GSN: variants seen among roughly 807,000 people sequenced by gnomAD.
GSN encodes the protein gelsolin.
GSN carries 56 observed loss-of-function variants against 85.7 expected under a neutral mutation model. The ratio of observed to expected loss-of-function variants is 0.65; its 90% CI spans 0.53 to 0.82. GSN has a LOEUF of 0.82. Ranked by LOEUF, GSN falls within the 40% of genes least tolerant of loss-of-function variation. The pLI, the probability that GSN is intolerant of heterozygous loss-of-function variation, is 0.00. For missense variants in GSN, 857 were observed against 979.8 expected, an observed-to-expected ratio of 0.87 and a Z score of 1.67; for synonymous variants, 373 against 399.1, an observed-to-expected ratio of 0.93 and a Z score of 0.78.
chr9:121,293,655 G>C (rs1421425927), intron 2 of GSN, among the ~76,000 whole-genome samples: 1 of 145,552 alleles, frequency 6.9e-6, no homozygotes, highest in African/African-American at 2.6e-5. Flanking sequence ...CCGAGATCAC[G>C]CCGCTGCACT....
chr9:121,238,270 G>A (rs1219471850), intron 5 of GSN: 1 of 152,554 alleles, frequency 6.6e-6, no homozygotes, highest in Non-Finnish European at 1.5e-5. Context: ...GTTGGACTGG[G>A]AGGGGAGACC....
At chr9:121,269,918 G>T (rs2055679280) in intron 1 of GSN, among the ~76,000 whole-genome samples, 1 of 152,168 alleles carries the variant, frequency 6.6e-6, no homozygotes, top group South Asian at 2.1e-4. Flanking sequence ...TCTGTGCCTT[G>T]CCCTGCGAGG....
rs372681751 is a variant in GSN, at chr9:121,318,726, G to A, written c.1037G>A (p.Arg346Gln). 4.0e-5 allele frequency: 65 copies of A among 1,613,880 alleles called. No homozygotes were observed. Among genetic ancestry groups the A allele is most frequent in the Non-Finnish European group, 4.7e-5 (56 of 1,179,902 alleles). The change falls in exon 10 of 18, where the codon CGG becomes CAG. Residue 346 changes from arginine to glutamine, a missense_variant. By Grantham distance (43) the Arg-to-Gln change is conservative. Transcript: ENST00000432226. The surrounding 1 kb of genome is among the most constrained non-coding windows in gnomAD (Gnocchi z 4.3). ...PLFKQFFKNW[R>Q]DPDQTDGLGL... ...TTCAAGCAGTTCTTCAAGAACTGGC[G>A]GGACCCAGACCAGACAGATGGCCTG...
intron 5 of GSN, among the ~76,000 whole-genome samples, chr9:121,246,201 A>T (rs531701385): frequency 1.3e-5 from 2 of 152,342 alleles, no homozygotes; most frequent in East Asian, 3.9e-4. Context: ...TGGTGGGCAC[A>T]TTAGGATCAT....
chr9:121,274,500 T>C (rs1176161757), intron 1 of GSN, among the ~76,000 whole-genome samples: 1 of 151,264 alleles, frequency 6.6e-6, no homozygotes, highest in African/African-American at 2.5e-5. Flanking sequence ...TTTTATAGCT[T>C]TTTCTTGTTA....
upstream of GSN, among the ~76,000 whole-genome samples, chr9:121,263,628 C>T (rs373492022): frequency 1.8e-3 from 267 of 152,164 alleles, no homozygotes; most frequent in Middle Eastern, 0.01. Context: ...AGATGGCTCA[C>T]GCCTGTAATC....
rs190118279 is a variant in GSN at position 121,311,025 on chromosome 9, G to A, written c.513+180G>A. The A allele has an allele frequency of 1.2e-4, 78 of 642,172 alleles. 1 individual carries two copies. The East Asian group carries it at 1.5e-3, about 12-fold the overall frequency. The allele number at this position is 642,172 out of a possible 1,614,324, so 39.8% of individuals were successfully genotyped here. On this transcript the variant is annotated intron_variant, in intron 5 of 17. Coordinates refer to ENST00000432226, the MANE Select transcript of GSN (RefSeq NM_198252.3). The stretch of plus-strand genomic sequence containing the variant: ...TCCCACAAATGTAGACTCACACCAC[G>A]GGTATAGTGCGTACTTGGACTTTGA...
intron 6 of GSN, among the ~76,000 whole-genome samples, chr9:121,252,794 CG>C (rs1296291336): frequency 6.6e-6 from 1 of 152,114 alleles, no homozygotes; most frequent in East Asian, 1.9e-4. Flanking sequence ...ACTAGGATTT[CG>C]GGGGGGCAAT....
intron 6 of GSN, among the ~76,000 whole-genome samples, chr9:121,250,870 G>A (rs962038054): frequency 6.3e-5 from 7 of 111,634 alleles, no homozygotes; most frequent in African/African-American, 2.4e-4. Flanking sequence ...ATGCCTGCTT[G>A]GGGTGTGTGT....
At chr9:121,252,080 A>G (rs1254008400) in intron 6 of GSN, among the ~76,000 whole-genome samples, 4 of 152,222 alleles carry the variant, frequency 2.6e-5, no homozygotes, top group Non-Finnish European at 5.9e-5. Context: ...CTGTAAAAAA[A>G]AAATGCCAGG....
At chr9:121,271,661 T>A (rs1443004145) in intron 1 of GSN, among the ~76,000 whole-genome samples, 1 of 152,190 alleles carries the variant, frequency 6.6e-6, no homozygotes, top group Admixed American at 6.5e-5. Context: ...TATGCTTTTA[T>A]GAGGGGTGGG....
chr9:121,323,628 C>A (rs1320843687), intron 11 of GSN, among the ~76,000 whole-genome samples: 1 of 152,186 alleles, frequency 6.6e-6, no homozygotes, highest in Non-Finnish European at 1.5e-5. Context: ...CCTTGGCCTC[C>A]CAAAGTGCTG....
rs368210196 is a variant in GSN, at chr9:121,302,103, C to T, written c.132C>T (p.Tyr44=). The change falls in exon 3 of 18, where the codon TAC becomes TAT. Residue 44 remains tyrosine, a synonymous_variant. Coordinates refer to ENST00000432226, the MANE Select transcript of GSN (RefSeq NM_198252.3). ...LYGDFFTGDA[Y]VILKTVQLRN... is the part of the protein sequence containing the mutation. ...GAGACTTCTTCACGGGCGACGCCTACGTCATCCTGAAGACAGTGCAGCTGA... is the reference window on the plus strand; with the variant it reads ...GAGACTTCTTCACGGGCGACGCCTATGTCATCCTGAAGACAGTGCAGCTGA... The T allele has an allele frequency of 9.3e-6, 15 of 1,614,040 alleles. No individual in the cohort carries two copies. The highest frequency in any genetic ancestry group is 1.6e-4 in the Middle Eastern group (1 of 6,084).
chr9:121,312,229 G>C (rs1345349439), intron 5 of GSN, 110 bp from the exon 6 acceptor site: 2 of 1,178,890 alleles, frequency 1.7e-6, no homozygotes, highest in African/African-American at 3.0e-5. Flanking sequence ...ACCTGGGCAA[G>C]TGCAGAACAG....
intron 1 of GSN, among the ~76,000 whole-genome samples, chr9:121,274,509 T>TA (rs149710086): frequency 0.04 from 5,997 of 150,848 alleles, 424 homozygotes; most frequent in African/African-American, 0.14. Context: ...TTTTTCTTGT[T>TA]AAAAAAAAAA....
Position 121,318,944 on chromosome 9 carries a change from CTT to C in GSN, c.1191+65_1191+66del. ...CCCTCACTTTCCCCATGCACTGCCTCTTGCTTCCCCAAGGAGGTTTCTCTCTG... is the reference window on the plus strand; with the variant it reads ...CCCTCACTTTCCCCATGCACTGCCTCGCTTCCCCAAGGAGGTTTCTCTCTG... On this transcript the variant is annotated intron_variant, in intron 10 of 17. Transcript: ENST00000432226. This position sits in a 1 kb window ranked among gnomAD's most constrained non-coding sequence, Gnocchi z 4.3. 1 of 1,269,030 alleles carries C rather than the reference CTT, an allele frequency of 7.9e-7. No homozygotes were observed. Among genetic ancestry groups the C allele is most frequent in the Non-Finnish European group, 1.1e-6 (1 of 869,802 alleles). The allele number at this position is 1,269,030 out of a possible 1,614,324, so 78.6% of individuals were successfully genotyped here.
At chr9:121,222,876 G>A (rs771619023) in intron 4 of GSN, 28 of 151,730 alleles carry the variant, frequency 1.8e-4, no homozygotes, top group Non-Finnish European at 3.7e-4. Context: ...AGTCCAGTGT[G>A]TGGTTTGACC....
chr9:121,288,858 G>A (rs571380949), intron 2 of GSN, among the ~76,000 whole-genome samples: 1 of 152,318 alleles, frequency 6.6e-6, no homozygotes, highest in South Asian at 2.1e-4. Flanking sequence ...ATCACATGGT[G>A]CATGAAGCAT....
At chr9:121,201,736 G>C in the GSN span, 1 of 152,890 alleles carries the variant, frequency 6.5e-6, no homozygotes, top group Non-Finnish European at 1.5e-5. Context: ...GGGCGGGGGC[G>C]GTCGACCGAG....
Sources: allele counts gnomAD v4.1 joint callset (sites outside exome capture counted in the v4.1 genomes callset), GRCh38; gene constraint gnomAD v4.1.1; non-coding constraint Gnocchi (gnomAD v3.1); transcripts MANE v1.5; gene names NCBI Gene and HGNC (gene_info 2026-07-23, HGNC 2026-07-21).